The following CUL2 variants were observed in gnomAD, a reference collection of about 807,000 sequenced individuals.
CUL2 encodes the protein cullin-2.
Under a neutral mutation model 110.2 loss-of-function variants are expected in CUL2, and 22 were observed. The ratio of observed to expected loss-of-function variants is 0.20; its 90% confidence interval spans 0.14 to 0.28. The LOEUF is 0.28. Ranked by LOEUF, CUL2 falls within the 10% of genes least tolerant of loss-of-function variation. The probability of loss-of-function intolerance (pLI) is 1.00; values close to 1 mark genes in which losing one functional copy is unlikely to be tolerated. For synonymous variants in CUL2, 279 were observed against 293.2 expected (o/e 0.95, Z 0.49); for missense variants, 631 against 905.5 (o/e 0.70, Z 3.89).
chr10:35,049,488 A>C (rs1318539653), intron 6 of CUL2, among the ~76,000 whole-genome samples, 195 bp downstream of exon 6: 1 of 137,086 alleles, frequency 7.3e-6, no homozygotes, highest in African/African-American at 2.8e-5. Flanking sequence ...CCCACCAAAA[A>C]GAAAAAAAAA....
chr10:35,072,463 G>A (rs1296458636), intron 1 of CUL2, among the ~76,000 whole-genome samples: 1 of 151,646 alleles, frequency 6.6e-6, no homozygotes, highest in East Asian at 1.9e-4. Flanking sequence ...TCACCTCCCA[G>A]GTTCAGGTGA....
Position 35,054,442 on chromosome 10 carries a change from T to C in CUL2, c.415A>G (p.Ile139Val), listed in dbSNP as rs1489315143. ...CTTAAAGAATGTCCTACCTCTCCTA[T>C]TTCCATAAGTGGTTCATTCATATCT... is the stretch of plus-strand genomic sequence containing the variant. ...GVDMNEPLME[I>V]GELALDMWRK... The change falls in exon 5 of 21, where the codon ATA (isoleucine) becomes GTA (valine). Residue 139 changes from isoleucine to valine, a missense_variant. This residue lies in a region of CUL2 where 338 missense variants were observed against 442.5 expected (regional missense o/e 0.76). Coordinates refer to ENST00000374749, the MANE Select transcript of CUL2 (RefSeq NM_003591.4). The C allele has an allele frequency of 1.9e-6, 3 of 1,552,602 alleles. No individual in the cohort carries two copies. The highest frequency in any genetic ancestry group is 2.6e-6 in the Non-Finnish European group (3 of 1,138,792).
Position 35,083,138 on chromosome 10 carries a change from G to C in CUL2, c.-23+7041C>G, listed in dbSNP as rs549549523. 2.8e-5 allele frequency among the ~76,000 whole-genome samples: 4 copies of C among 142,934 alleles called. No homozygotes were observed. The South Asian group carries it at 8.8e-4, about 32-fold the overall frequency. 93.8% of individuals were successfully genotyped at this position (142,934 alleles called of 152,430 possible). ...AGCCACTGCACTCCAGCCTGCATGA[G>C]AGCAAGACTCCATCTCAAAAAAAAA... On this transcript the variant is annotated intron_variant, in intron 1 of 20. Transcript: ENST00000374749.
upstream of CUL2, chr10:35,090,408 G>C (rs549486146): frequency 6.6e-6 from 1 of 152,230 alleles, no homozygotes; most frequent in Non-Finnish European, 1.5e-5. Flanking sequence ...GAAGCCCGGG[G>C]AGCCCGCGCG....
rs2086090591 is a variant in CUL2, at chr10:35,051,038, A to G, written c.424-1273T>C. Among the ~76,000 whole-genome samples, 3 of 152,358 alleles carry G rather than the reference A, an allele frequency of 2.0e-5. 1 individual carries two copies. The South Asian group carries it at 6.2e-4, about 32-fold the overall frequency. On this transcript the variant is annotated intron_variant, in intron 5 of 20. Coordinates refer to ENST00000374749, the MANE Select transcript of CUL2 (RefSeq NM_003591.4). ...GACATAAAATAGTGTCTCCTTGGCC[A>G]GGCACAGTGGCTCACGCCTGTAATC... is the stretch of plus-strand genomic sequence containing the variant.
At chr10:35,120,665 G>A (rs976554498) in intron 1 of CUL2, among the ~76,000 whole-genome samples, 2 of 151,948 alleles carry the variant, frequency 1.3e-5, no homozygotes, top group Non-Finnish European at 2.9e-5. Context: ...GAGAGGCCAA[G>A]GCAGGCAGAT....
intron 1 of CUL2, among the ~76,000 whole-genome samples, chr10:35,107,020 A>G (rs11010095): frequency 0.37 from 56,233 of 151,486 alleles, 10,561 homozygotes; most frequent in African/African-American, 0.43. Flanking sequence ...TGTCACCCAG[A>G]GTAGAGTGCA....
rs1448345924 is a variant in CUL2 at position 35,019,712 on chromosome 10, A to C, written c.1685-3318T>G. 2.0e-5 allele frequency among the ~76,000 whole-genome samples: 3 copies of C among 152,220 alleles called. No homozygotes were observed. In the East Asian group the frequency reaches 5.8e-4, roughly 29 times the overall value. On this transcript the variant is annotated intron_variant, in intron 17 of 20. Transcript: ENST00000374749. ...AATAAAGAGCGGGCAGAACTCTCAC[A>C]ATAGTTTCATCCAAGTCACTCCCCA...
At chr10:35,058,513 T>C (rs77585666) in intron 4 of CUL2, among the ~76,000 whole-genome samples, 22,951 of 152,168 alleles carry the variant, frequency 0.15, 1,953 homozygotes, top group East Asian at 0.24. Flanking sequence ...GTCTAGTTCC[T>C]AAAACCTAAG....
rs58779572 is a variant in CUL2, at chr10:35,025,202, T to TA, written c.1618-5dup. ...GTTGGCTATAAAATAATTCAAACTG[T>TA]AAAAAAAAAAAAAAAACACACATTA... On this transcript the variant is annotated splice_region_variant and splice_polypyrimidine_tract_variant and intron_variant, in intron 16 of 20. Coordinates refer to ENST00000374749, the MANE Select transcript of CUL2 (RefSeq NM_003591.4). 0.15 allele frequency: 202,543 copies of TA among 1,369,994 alleles called. 1,235 individuals carry two copies. The highest frequency in any genetic ancestry group is 0.27 in the East Asian group (10,373 of 38,110). 84.9% of individuals were successfully genotyped at this position (1,369,994 alleles called of 1,614,324 possible).
At chr10:35,079,855 G>C (rs2086904807) in intron 1 of CUL2, among the ~76,000 whole-genome samples, 1 of 152,062 alleles carries the variant, frequency 6.6e-6, no homozygotes, top group South Asian at 2.1e-4. Flanking sequence ...AGGGTGACTT[G>C]AACACAAATA....
At chr10:35,074,247 T>C in intron 1 of CUL2, 3 of 1,529,162 alleles carry the variant, frequency 2.0e-6, no homozygotes, top group Non-Finnish European at 2.6e-6. Flanking sequence ...GTTTGTTGTT[T>C]CCTTCTACAG....
upstream of CUL2, chr10:35,126,819 C>G (rs1410448662): frequency 6.6e-6 from 1 of 152,278 alleles, no homozygotes; most frequent in South Asian, 2.1e-4. Flanking sequence ...CCCGCACCTT[C>G]CCGCCGCCCC....
intron 4 of CUL2, among the ~76,000 whole-genome samples, chr10:35,056,341 A>T (rs1164224300): frequency 6.6e-6 from 1 of 152,220 alleles, no homozygotes. Flanking sequence ...AATACCAGGA[A>T]ATAAAAGTAA....
intron 6 of CUL2, among the ~76,000 whole-genome samples, chr10:35,047,700 TTG>T (rs2085981844): frequency 3.3e-5 from 5 of 151,290 alleles, no homozygotes; most frequent in Admixed American, 2.6e-4. Flanking sequence ...GTTGGATCTC[TTG>T]AGGTAGGAGC....
At position 35,020,465 on chromosome 10, in the gene CUL2, A is replaced by G. The variant is rs548764334; in HGVS notation, c.1685-4071T>C. Among the ~76,000 whole-genome samples the G allele has an allele frequency of 7.2e-5, 11 of 152,344 alleles. No homozygotes were observed. The South Asian group carries it at 2.1e-3, about 29-fold the overall frequency. On this transcript the variant is annotated intron_variant, in intron 17 of 20. Coordinates refer to ENST00000374749, the MANE Select transcript of CUL2 (RefSeq NM_003591.4). ...GACAAATTTAGTCAATAGAATCGTT[A>G]TCTTTTAAGGTATGCACAATGATAT... is the stretch of plus-strand genomic sequence containing the variant.
intron 1 of CUL2, among the ~76,000 whole-genome samples, chr10:35,106,516 T>TA (rs1234404669): frequency 6.6e-6 from 1 of 151,654 alleles, no homozygotes; most frequent in Non-Finnish European, 1.5e-5. Flanking sequence ...TTCTTTTTTT[T>TA]AGAGATGAGG....
intron 1 of CUL2, among the ~76,000 whole-genome samples, chr10:35,115,572 T>C (rs913321210): frequency 1.3e-5 from 2 of 149,938 alleles, no homozygotes; most frequent in Non-Finnish European, 3.0e-5. Flanking sequence ...AAGAAAATAT[T>C]AACAAGGGAG....
At chr10:35,080,767 T>C (rs1280017505) in intron 1 of CUL2, among the ~76,000 whole-genome samples, 2 of 152,160 alleles carry the variant, frequency 1.3e-5, no homozygotes, top group African/African-American at 2.4e-5. Context: ...GAATTTCTAG[T>C]AGGTTTTTTA....
Sources: allele counts gnomAD v4.1 joint callset (sites outside exome capture counted in the v4.1 genomes callset), GRCh38; gene constraint gnomAD v4.1.1; regional missense constraint gnomAD v4.1.1; transcripts MANE v1.5; gene names NCBI Gene and HGNC (gene_info 2026-07-23, HGNC 2026-07-21).